The following GHR variants were observed in gnomAD, a reference collection of about 807,000 sequenced individuals.
GHR encodes the protein GH receptor.
In GHR, 35 loss-of-function variants were observed where a neutral mutation model predicts 67.1. The ratio of observed to expected loss-of-function variants is 0.52; its 90% CI spans 0.40 to 0.69. The LOEUF is 0.69. Among genes scored for constraint, GHR ranks in the 30% least tolerant of loss-of-function variants. The probability of loss-of-function intolerance (pLI) is 0.00; values close to 1 mark genes in which losing one functional copy is unlikely to be tolerated. For synonymous variants in GHR, 272 were observed against 269.1 expected (o/e 1.01, Z -0.10); for missense variants, 792 against 764.6 (o/e 1.04, Z -0.42).
At chr5:42,659,689 C>T (rs566577930) in intron 3 of GHR, among the ~76,000 whole-genome samples, 35 of 152,270 alleles carry the variant, frequency 2.3e-4, no homozygotes, top group Admixed American at 3.3e-4. Flanking sequence ...ACACAGAAGA[C>T]GGGTGATTTC....
At chr5:42,672,729 T>C (rs1351651277) in intron 3 of GHR, among the ~76,000 whole-genome samples, 2 of 152,146 alleles carry the variant, frequency 1.3e-5, no homozygotes, top group African/African-American at 2.4e-5. Flanking sequence ...TCAAATGATA[T>C]ACAAACTATA....
At chr5:42,531,522 A>C (rs992008720) in intron 1 of GHR, among the ~76,000 whole-genome samples, 1 of 151,764 alleles carries the variant, frequency 6.6e-6, no homozygotes, top group Non-Finnish European at 1.5e-5. Flanking sequence ...CTATCACCCA[A>C]GCTGGAGTGC....
chr5:42,539,871 TAGTG>T (rs1448918082), intron 1 of GHR, among the ~76,000 whole-genome samples: 2 of 152,192 alleles, frequency 1.3e-5, no homozygotes, highest in Non-Finnish European at 2.9e-5. Context: ...TACTGAATAA[TAGTG>T]AGAATGCTTC....
chr5:42,719,510 C>G lies in GHR; in HGVS notation c.*86C>G, dbSNP rs1758916652. On this transcript the variant is annotated 3_prime_UTR_variant, in exon 10 of 10. Transcript: ENST00000230882. ...CGTTTAAGCCAAAACAATGTTTAAA[C>G]CTTTTTTGGGGGAGTGACAGGATGG... 7.5e-7 allele frequency: 1 copy of G among 1,338,380 alleles called. No individual in the cohort carries two copies. Among genetic ancestry groups the G allele is most frequent in the Non-Finnish European group, 1.1e-6 (1 of 941,558 alleles). The allele number at this position is 1,338,380 out of a possible 1,614,324, so 82.9% of individuals were successfully genotyped here.
chr5:42,650,920 T>A (rs897677983), intron 3 of GHR, among the ~76,000 whole-genome samples: 2 of 152,180 alleles, frequency 1.3e-5, no homozygotes, highest in Admixed American at 6.5e-5. Flanking sequence ...TTTTAAAGTC[T>A]GAAGGTTTAT....
intron 1 of GHR, among the ~76,000 whole-genome samples, chr5:42,464,404 G>A (rs916611225): frequency 1.3e-5 from 2 of 152,122 alleles, no homozygotes; most frequent in African/African-American, 2.4e-5. Context: ...AATTGGCAGT[G>A]GGGTCATGCC....
chr5:42,660,093 C>A (rs1580144163), intron 3 of GHR, among the ~76,000 whole-genome samples: 1 of 152,184 alleles, frequency 6.6e-6, no homozygotes, highest in Admixed American at 6.5e-5. Context: ...CTTAGGTAAA[C>A]AAAGCAGGCG....
In GHR at chr5:42,463,788, TC is replaced by T. The variant is rs967357042; in HGVS notation, c.-12+39834del. On this transcript the variant is annotated intron_variant, in intron 1 of 9. Transcript: ENST00000230882. The stretch of plus-strand genomic sequence containing the variant: ...GCGGGTGGATCACGAGGTCAGGAGA[TC>T]GAGACCATCCCGGCTAAAACGGTGA... Among the ~76,000 whole-genome samples, 223 of 151,198 alleles carry T rather than the reference TC, an allele frequency of 1.5e-3. 1 individual carries two copies. The highest frequency in any genetic ancestry group is 5.3e-3 in the African/African-American group (218 of 41,180).
chr5:42,682,948 C>A (rs1756959756), intron 3 of GHR, among the ~76,000 whole-genome samples: 1 of 152,224 alleles, frequency 6.6e-6, no homozygotes, highest in African/African-American at 2.4e-5. Context: ...GATTGGTTCC[C>A]ATGCTTATTT....
chr5:42,455,391 T>C lies in GHR; in HGVS notation c.-12+31436T>C, dbSNP rs113643889. On this transcript the variant is annotated intron_variant, in intron 1 of 9. Transcript: ENST00000230882. ...TCTGTCCATCCAAGCAGGAGATGTA[T>C]GTTAGCCCTGCCTGCTATCTGCCAT... 7.9e-5 allele frequency among the ~76,000 whole-genome samples: 12 copies of C among 152,290 alleles called. No individual in the cohort carries two copies. In the East Asian group the frequency reaches 1.9e-3, roughly 25 times the overall value.
chr5:42,509,094 G>A (rs545988070), intron 1 of GHR, among the ~76,000 whole-genome samples: 1 of 152,152 alleles, frequency 6.6e-6, no homozygotes, highest in East Asian at 1.9e-4. Context: ...TTTACTCCAT[G>A]GTTCATTTTC....
intron 1 of GHR, among the ~76,000 whole-genome samples, chr5:42,469,121 AAG>A (rs1381686785): frequency 6.6e-6 from 1 of 152,240 alleles, no homozygotes; most frequent in African/African-American, 2.4e-5. Flanking sequence ...TGTTCTGGGA[AAG>A]AGAGACAGTT....
chr5:42,495,819 T>C (rs1746299897), intron 1 of GHR, among the ~76,000 whole-genome samples: 1 of 152,198 alleles, frequency 6.6e-6, no homozygotes, highest in African/African-American at 2.4e-5. Context: ...ATACAAATGA[T>C]GTTGAATGTT....
intron 2 of GHR, among the ~76,000 whole-genome samples, chr5:42,603,576 T>A (rs536131331): frequency 6.6e-6 from 1 of 152,346 alleles, no homozygotes; most frequent in Non-Finnish European, 1.5e-5. Context: ...TAATCATCAA[T>A]AATCTGTTTT....
At chr5:42,459,239 A>C (rs191965053) in intron 1 of GHR, among the ~76,000 whole-genome samples, 1 of 152,364 alleles carries the variant, frequency 6.6e-6, no homozygotes, top group East Asian at 1.9e-4. Context: ...CAGAGACACA[A>C]TAACAAAGAC....
intron 1 of GHR, among the ~76,000 whole-genome samples, chr5:42,462,807 T>A (rs1019569162): frequency 1.2e-4 from 19 of 152,218 alleles, no homozygotes; most frequent in Non-Finnish European, 2.8e-4. Context: ...AGTTTTATAA[T>A]GGGGATATAT....
intron 3 of GHR, among the ~76,000 whole-genome samples, chr5:42,634,396 AC>A (rs11440371): frequency 2.6e-5 from 4 of 151,490 alleles, no homozygotes; most frequent in African/African-American, 7.3e-5. Flanking sequence ...TGCTTTTTGC[AC>A]CCCCCCTTAA....
chr5:42,509,143 G>T (rs1273289962), intron 1 of GHR, among the ~76,000 whole-genome samples: 2 of 151,870 alleles, frequency 1.3e-5, no homozygotes, highest in East Asian at 1.9e-4. Flanking sequence ...TCATACTATT[G>T]CCTGGCAAAA....
intron 1 of GHR, among the ~76,000 whole-genome samples, chr5:42,519,719 G>A (rs1439192372): frequency 6.6e-6 from 1 of 152,138 alleles, no homozygotes; most frequent in African/African-American, 2.4e-5. Context: ...TTTCTTTTAG[G>A]TAGCCTTCAT....
Sources: allele counts gnomAD v4.1 joint callset (sites outside exome capture counted in the v4.1 genomes callset), GRCh38; gene constraint gnomAD v4.1.1; transcripts MANE v1.5; gene names NCBI Gene and HGNC (gene_info 2026-07-23, HGNC 2026-07-21).